The following ZNF738 variants were observed in gnomAD, a reference collection of about 807,000 sequenced individuals.
ZNF738 encodes the protein zinc finger protein 738.
A neutral mutation model predicts 9.2 loss-of-function variants in ZNF738; 10 were observed. That is an observed-to-expected ratio of 1.09 (90% CI 0.67 to 1.85). ZNF738 has a LOEUF of 1.85. Ranked by LOEUF, ZNF738 falls within the 40% of genes most tolerant of loss-of-function variation. ZNF738 has a pLI of 0.00. For missense variants in ZNF738, 346 were observed against 283.6 expected, an observed-to-expected ratio of 1.22 and a Z score of -1.58; for synonymous variants, 113 against 94.5, an observed-to-expected ratio of 1.20 and a Z score of -1.14.
chr19:21,378,065 T>C (rs539704266), intron 4 of ZNF738: 5 of 397,248 alleles, frequency 1.3e-5, no homozygotes, highest in Non-Finnish European at 2.2e-5. Flanking sequence ...AGAGATACAA[T>C]GTATTTCAGT....
Position 21,386,450 on chromosome 19 carries a change from A to G in ZNF738, c.*2776A>G, listed in dbSNP as rs1974068214. ...GAAGGATGTGGTAAAGCCGTTATCC[A>G]GTCCTCAACTCCCACTAAACATAAC... is the stretch of plus-strand genomic sequence containing the variant. On this transcript the variant is annotated 3_prime_UTR_variant, in exon 5 of 5. Coordinates refer to ENST00000683779, the MANE Select transcript of ZNF738 (RefSeq NM_001355237.2). 6.4e-6 allele frequency: 2 copies of G among 311,412 alleles called. No individual in the cohort carries two copies. Among genetic ancestry groups the G allele is most frequent in the Non-Finnish European group, 1.3e-5 (2 of 151,120 alleles). The allele number at this position is 311,412 out of a possible 1,614,324, so 19.3% of individuals were successfully genotyped here.
intron 1 of ZNF738, among the ~76,000 whole-genome samples, chr19:21,360,907 C>T (rs528446531): frequency 1.3e-5 from 2 of 152,154 alleles, no homozygotes; most frequent in East Asian, 3.9e-4. Flanking sequence ...CCTCCGCCTC[C>T]GGGTTCACGA....
intron 2 of ZNF738, among the ~76,000 whole-genome samples, chr19:21,365,960 A>AAC (rs1973771213): frequency 6.6e-6 from 1 of 151,858 alleles, no homozygotes; most frequent in Admixed American, 6.6e-5. Context: ...CCATCTCAAA[A>AAC]AAAAAAAAGA....
intron 4 of ZNF738, chr19:21,379,302 T>A (rs1973978578): frequency 6.6e-6 from 1 of 152,160 alleles, no homozygotes; most frequent in South Asian, 2.1e-4. Flanking sequence ...ATTTGCACAT[T>A]AAAAAAATGT....
intron 2 of ZNF738, among the ~76,000 whole-genome samples, chr19:21,362,427 C>T (rs1218808207): frequency 2.0e-5 from 3 of 152,062 alleles, no homozygotes; most frequent in Non-Finnish European, 2.9e-5. Flanking sequence ...GGGCAGTCAC[C>T]GAAAAATAGT....
At chr19:21,372,596 T>A (rs1406736133) in intron 2 of ZNF738, 1 of 152,218 alleles carries the variant, frequency 6.6e-6, no homozygotes, top group Non-Finnish European at 1.5e-5. Flanking sequence ...TTAGCAGATT[T>A]TCTGTTCCTG....
intron 2 of ZNF738, among the ~76,000 whole-genome samples, chr19:21,364,780 T>C (rs2145220409): frequency 6.7e-6 from 1 of 148,296 alleles, no homozygotes; most frequent in Non-Finnish European, 1.5e-5. Flanking sequence ...GGAGTCTTGC[T>C]CTGTTGTGAG....
Position 21,375,869 on chromosome 19 carries a change from G to T in ZNF738, c.224G>T (p.Gly75Val), listed in dbSNP as rs1435315499. The part of the protein sequence containing the change: ...LENFRNLVFL[G>V]IDVSKPDLIT... ...ATGTTATTTATTTTTAATAAATCAG[G>T]TATTGATGTCTCTAAGCCAGATCTG... is the stretch of plus-strand genomic sequence containing the variant. Residue 75 changes from glycine (G) to valine (V), a missense_variant and splice_region_variant, in exon 4 of 5, where the codon GGT becomes GTT. Gly to Val is a moderately radical substitution (Grantham distance 109, BLOSUM62 -3). Coordinates refer to ENST00000683779, the MANE Select transcript of ZNF738 (RefSeq NM_001355237.2). 1 of 784,038 alleles carries T rather than the reference G, an allele frequency of 1.3e-6. No homozygotes were observed. The highest frequency in any genetic ancestry group is 2.4e-5 in the East Asian group (1 of 41,050). The allele number at this position is 784,038 out of a possible 1,614,324, so 48.6% of individuals were successfully genotyped here. A position where few individuals can be genotyped will look rare whatever the true frequency, so the allele number is the denominator to read the frequency against.
At chr19:21,364,063 G>A (rs1221564973) in intron 2 of ZNF738, among the ~76,000 whole-genome samples, 1 of 151,326 alleles carries the variant, frequency 6.6e-6, no homozygotes, top group Non-Finnish European at 1.5e-5. Flanking sequence ...CAGGCGTAGA[G>A]ATGTGCACCT....
At position 21,383,577 on chromosome 19, in the gene ZNF738, A is replaced by G. The variant is rs1278916914; in HGVS notation, c.1031A>G (p.Tyr344Cys). Reference protein sequence around the residue: ...HKIIHTGEKPYKCEECGKAFN... With the variant: ...HKIIHTGEKPCKCEECGKAFN... Reference sequence around the variant, plus strand: ...ATAATTCATACTGGAGAGAAACCCTACAAATGTGAGGAATGTGGCAAAGCT... The same window carrying G: ...ATAATTCATACTGGAGAGAAACCCTGCAAATGTGAGGAATGTGGCAAAGCT... Residue 344 changes from tyrosine (Y) to cysteine (C), a missense_variant, in exon 5 of 5, where the codon TAC (tyrosine) becomes TGC (cysteine). Physicochemically the swap from Tyr to Cys is radical, Grantham distance 194. Coordinates refer to ENST00000683779, the MANE Select transcript of ZNF738 (RefSeq NM_001355237.2). 2 of 1,029,878 alleles carry G rather than the reference A, an allele frequency of 1.9e-6. No homozygotes were observed. The highest frequency in any genetic ancestry group is 1.3e-5 in the South Asian group (1 of 79,910). The allele number at this position is 1,029,878 out of a possible 1,614,324, so 63.8% of individuals were successfully genotyped here. A position where few individuals can be genotyped will look rare whatever the true frequency, so the allele number is the denominator to read the frequency against.
chr19:21,374,759 G>A (rs192087649), intron 2 of ZNF738, among the ~76,000 whole-genome samples: 2 of 151,942 alleles, frequency 1.3e-5, no homozygotes, highest in Non-Finnish European at 2.9e-5. Flanking sequence ...CTTTTTGGGC[G>A]AAATACATTG....
Position 21,386,411 on chromosome 19 carries a change from AATCTT to A in ZNF738, c.*2739_*2743del, listed in dbSNP as rs1365536108. 1 of 303,964 alleles carries A rather than the reference AATCTT, an allele frequency of 3.3e-6. No homozygotes were observed. Among genetic ancestry groups the A allele is most frequent in the Non-Finnish European group, 6.8e-6 (1 of 146,022 alleles). The allele number at this position is 303,964 out of a possible 1,614,324, so 18.8% of individuals were successfully genotyped here. On this transcript the variant is annotated 3_prime_UTR_variant, in exon 5 of 5. Coordinates refer to ENST00000683779, the MANE Select transcript of ZNF738 (RefSeq NM_001355237.2). The stretch of plus-strand genomic sequence containing the variant: ...CATAAGATAACTCATACTGGAGAAA[AATCTT>A]AGAAATGTGAAGGATGTGGTAAAGC...
At position 21,377,567 on chromosome 19, in the gene ZNF738, A is replaced by G. The variant is rs977571702; in HGVS notation, c.319+1603A>G. 1.2e-5 allele frequency: 6 copies of G among 512,778 alleles called. No individual in the cohort carries two copies. In the Admixed American group the frequency reaches 1.5e-4, roughly 13 times the overall value. 31.8% of individuals were successfully genotyped at this position (512,778 alleles called of 1,614,324 possible). On this transcript the variant is annotated intron_variant, in intron 4 of 4. Transcript: ENST00000683779. ...TCATAGGTTCCCAGTTAATAAATCT[A>G]TTATTGTTTAATGTCTTTCTTTGTC...
chr19:21,364,758 T>G (rs201461041), intron 2 of ZNF738, among the ~76,000 whole-genome samples: 2 of 89,312 alleles, frequency 2.2e-5, no homozygotes, highest in African/African-American at 4.7e-5. Context: ...TTTTTTTTTT[T>G]TTTTTTGAGA....
intron 2 of ZNF738, among the ~76,000 whole-genome samples, chr19:21,362,275 T>C (rs11880701): frequency 0.023 from 3,562 of 151,890 alleles, 150 homozygotes; most frequent in African/African-American, 0.077. Context: ...AATAGTGAAA[T>C]AAATATAGTA....
Position 21,359,153 on chromosome 19 carries a change from CG to C in ZNF738, c.3+14del. On this transcript the variant is annotated intron_variant, in intron 1 of 4. Coordinates refer to ENST00000683779, the MANE Select transcript of ZNF738 (RefSeq NM_001355237.2). ...TGGAAGCCTAGAAATGGTGAGAGTG[CG>C]GGGTCCAACATCCCGAGAGAGGGGA... 1 of 1,049,212 alleles carries C rather than the reference CG, an allele frequency of 9.5e-7. No homozygotes were observed. The allele number at this position is 1,049,212 out of a possible 1,614,324, so 65.0% of individuals were successfully genotyped here.
In ZNF738 at chr19:21,383,965, A is replaced by G. The variant is rs1974037111; in HGVS notation, c.*291A>G. On this transcript the variant is annotated 3_prime_UTR_variant, in exon 5 of 5. Coordinates refer to ENST00000683779, the MANE Select transcript of ZNF738 (RefSeq NM_001355237.2). ...AACTGTTACTCCTACCTTACTGCAC[A>G]TAAGTTGATTCATACTGGAGAGAAA... The G allele has an allele frequency of 1.2e-5, 18 of 1,443,404 alleles. No homozygotes were observed. The highest frequency in any genetic ancestry group is 1.7e-5 in the Admixed American group (1 of 59,086). The allele number at this position is 1,443,404 out of a possible 1,614,324, so 89.4% of individuals were successfully genotyped here.
chr19:21,383,735 G>A lies in ZNF738; in HGVS notation c.*61G>A. On this transcript the variant is annotated 3_prime_UTR_variant, in exon 5 of 5. Coordinates refer to ENST00000683779, the MANE Select transcript of ZNF738 (RefSeq NM_001355237.2). ...TAGACATAAGATAATTCATACTGAA[G>A]AGAAACCCTACAAATGTGAGGAATG... 9.1e-7 allele frequency: 1 copy of A among 1,093,160 alleles called. No individual in the cohort carries two copies. Among genetic ancestry groups the A allele is most frequent in the East Asian group, 2.4e-5 (1 of 40,822 alleles). The allele number at this position is 1,093,160 out of a possible 1,614,324, so 67.7% of individuals were successfully genotyped here.
At chr19:21,362,369 C>CT (rs1339739117) in intron 2 of ZNF738, among the ~76,000 whole-genome samples, 5 of 152,080 alleles carry the variant, frequency 3.3e-5, no homozygotes. Flanking sequence ...CAACAACAAA[C>CT]TGACTCCAGT....
Sources: allele counts gnomAD v4.1 joint callset (sites outside exome capture counted in the v4.1 genomes callset), GRCh38; gene constraint gnomAD v4.1.1; transcripts MANE v1.5; gene names NCBI Gene and HGNC (gene_info 2026-07-23, HGNC 2026-07-21).